Variants in CFAP77 observed in about 807,000 individuals in gnomAD.
CFAP77 encodes cilia and flagella associated protein 77.
A neutral mutation model predicts 31.1 loss-of-function variants in CFAP77; 25 were observed. The observed-to-expected ratio is 0.80, with a 90% CI of 0.59 to 1.12. The LOEUF is 1.12. CFAP77 is among the 50% of genes most tolerant of loss of function. CFAP77 has a pLI of 0.00. For synonymous variants in CFAP77, 151 were observed against 159.9 expected, an observed-to-expected ratio of 0.94 and a Z score of 0.42; for missense variants, 377 against 397.3, an observed-to-expected ratio of 0.95 and a Z score of 0.44.
intron 5 of CFAP77, among the ~76,000 whole-genome samples, chr9:132,543,362 G>A (rs925892515): frequency 1.3e-5 from 2 of 152,258 alleles, no homozygotes; most frequent in African/African-American, 4.8e-5. Context: ...CAGAGGCTGG[G>A]TGGCTGTCCA....
chr9:132,461,661 G>A (rs572271460), intron 1 of CFAP77, among the ~76,000 whole-genome samples: 32 of 152,324 alleles, frequency 2.1e-4, no homozygotes, highest in Non-Finnish European at 4.1e-4. Context: ...TTGTCGTGGG[G>A]GATATTGGTT....
chr9:132,481,222 C>T lies in CFAP77; in HGVS notation c.196-17473C>T, dbSNP rs1052089471. Among the ~76,000 whole-genome samples, 2 of 152,148 alleles carry T rather than the reference C, an allele frequency of 1.3e-5. No individual in the cohort carries two copies. The highest frequency in any genetic ancestry group is 2.4e-5 in the African/African-American group (1 of 41,444). ...GCTCTCTGGGCCCAAGACTCCCTGC[C>T]GCGCTGCTAGACGCTTCAGCCCTGT... is the stretch of plus-strand genomic sequence containing the variant. On this transcript the variant is annotated intron_variant, in intron 1 of 5. Transcript: ENST00000393216. This position sits in a 1 kb window ranked among gnomAD's most constrained non-coding sequence, Gnocchi z 5.0.
At chr9:132,475,591 G>A (rs144547915) in intron 1 of CFAP77, among the ~76,000 whole-genome samples, 121 of 152,270 alleles carry the variant, frequency 7.9e-4, no homozygotes, top group African/African-American at 2.6e-3. Context: ...GAAGTGTCTC[G>A]GTTAGGAGCA....
intron 3 of CFAP77, among the ~76,000 whole-genome samples, chr9:132,535,337 G>A (rs1852524849): frequency 6.6e-6 from 1 of 152,118 alleles, no homozygotes; most frequent in Non-Finnish European, 1.5e-5. Flanking sequence ...TTAGCAACAA[G>A]GACACAGCTT....
intron 3 of CFAP77, among the ~76,000 whole-genome samples, chr9:132,514,526 T>A (rs901040678): frequency 2.0e-5 from 3 of 152,170 alleles, no homozygotes; most frequent in Non-Finnish European, 4.4e-5. Flanking sequence ...CCAGTCGGTT[T>A]CTGAGTGGCC....
chr9:132,569,317 G>A (rs1337683994), intron 5 of CFAP77, among the ~76,000 whole-genome samples: 1 of 151,922 alleles, frequency 6.6e-6, no homozygotes, highest in East Asian at 1.9e-4. Context: ...AAGGCAGGAG[G>A]ATCCCTTGAG....
intron 1 of CFAP77, among the ~76,000 whole-genome samples, chr9:132,430,329 G>A (rs1850392361): frequency 6.6e-6 from 1 of 152,134 alleles, no homozygotes; most frequent in South Asian, 2.1e-4. Flanking sequence ...TCAGTCCTCT[G>A]TTTTGATCCA....
rs942269709 is a variant in CFAP77 at position 132,499,469 on chromosome 9, C to T, written c.393C>T (p.Gly131=). 4 of 1,614,204 alleles carry T rather than the reference C, an allele frequency of 2.5e-6. No homozygotes were observed. The African/African-American group carries it at 5.3e-5, about 22-fold the overall frequency. ...IAMNRGAVKA[G]LVTARENLLY... is the part of the protein sequence containing the mutation. ...TGAACCGCGGGGCGGTGAAAGCCGG[C>T]CTGGTGACTGCCCGGGAGAACTTGC... Residue 131 remains glycine (G), a synonymous_variant, in exon 3 of 6, where the codon GGC becomes GGT. Coordinates refer to ENST00000393216, the MANE Select transcript of CFAP77 (RefSeq NM_001282957.2). The surrounding 1 kb of genome is among the most constrained non-coding windows in gnomAD (Gnocchi z 5.4).
intron 5 of CFAP77, among the ~76,000 whole-genome samples, chr9:132,543,877 G>A (rs1183932368): frequency 2.0e-5 from 3 of 152,162 alleles, no homozygotes; most frequent in East Asian, 1.9e-4. Context: ...TGTAAGAGCC[G>A]GGGGCACCGT....
chr9:132,513,263 C>G, intron 3 of CFAP77: 1 of 1,547,452 alleles, frequency 6.5e-7, no homozygotes, highest in Non-Finnish European at 8.7e-7. Context: ...TATTAGAAAA[C>G]TTTCCAAACA....
chr9:132,542,920 C>T (rs78783314), intron 4 of CFAP77, 26 bp from the exon 5 acceptor site: 2 of 1,584,346 alleles, frequency 1.3e-6, no homozygotes, highest in Middle Eastern at 1.7e-4. Flanking sequence ...GCAACCATCT[C>T]ACCTTTGCCT....
intron 5 of CFAP77, among the ~76,000 whole-genome samples, chr9:132,560,935 G>T (rs1852985670): frequency 6.6e-6 from 1 of 152,186 alleles, no homozygotes; most frequent in Non-Finnish European, 1.5e-5. Flanking sequence ...CAGCAGGGAG[G>T]GTCGGGTCCT....
chr9:132,470,825 A>G (rs1031976653), intron 1 of CFAP77, among the ~76,000 whole-genome samples: 1 of 152,222 alleles, frequency 6.6e-6, no homozygotes, highest in African/African-American at 2.4e-5. Context: ...CCTGGCCAAC[A>G]TGGTGAAACC....
chr9:132,550,485 G>A (rs1354171933), intron 5 of CFAP77, among the ~76,000 whole-genome samples: 1 of 151,504 alleles, frequency 6.6e-6, no homozygotes, highest in African/African-American at 2.4e-5. Flanking sequence ...AAGGAATTTG[G>A]GGAGCAGCAT....
chr9:132,509,997 TTTGCC>T (rs1852004427), intron 3 of CFAP77, among the ~76,000 whole-genome samples: 1 of 152,152 alleles, frequency 6.6e-6, no homozygotes, highest in African/African-American at 2.4e-5. Context: ...TTTTTCATGC[TTTGCC>T]TTGTTTCCCT....
chr9:132,555,769 C>A (rs920660957), intron 5 of CFAP77, among the ~76,000 whole-genome samples: 1 of 152,142 alleles, frequency 6.6e-6, no homozygotes, highest in Non-Finnish European at 1.5e-5. Flanking sequence ...CTGTGTGGTC[C>A]TGCATGTGTT....
intron 1 of CFAP77, among the ~76,000 whole-genome samples, chr9:132,479,044 G>A (rs535974147): frequency 1.3e-5 from 2 of 152,230 alleles, no homozygotes; most frequent in South Asian, 2.1e-4. Flanking sequence ...GACCATCGCT[G>A]GAGTCTTTTA....
In CFAP77 at chr9:132,554,939, C is replaced by T. The variant is rs58044754; in HGVS notation, c.732+11892C>T. On this transcript the variant is annotated intron_variant, in intron 5 of 5. Transcript: ENST00000393216. This position sits in a 1 kb window ranked among gnomAD's most constrained non-coding sequence, Gnocchi z 4.1. ...ATGCATGCATGCATCCATCCATCCA[C>T]CCATCCATCCATCCATCCATCCATC... 0.019 allele frequency among the ~76,000 whole-genome samples: 2,763 copies of T among 146,516 alleles called. 48 individuals are homozygous for T. Among genetic ancestry groups the T allele is most frequent in the East Asian group, 0.045 (218 of 4,848 alleles).
intron 1 of CFAP77, among the ~76,000 whole-genome samples, chr9:132,450,399 G>A (rs1017701131): frequency 6.6e-6 from 1 of 152,180 alleles, no homozygotes; most frequent in African/African-American, 2.4e-5. Context: ...GAAGTTGGGA[G>A]AGCAATAGAT....
Sources: allele counts gnomAD v4.1 joint callset (sites outside exome capture counted in the v4.1 genomes callset), GRCh38; gene constraint gnomAD v4.1.1; non-coding constraint Gnocchi (gnomAD v3.1); transcripts MANE v1.5; gene names NCBI Gene and HGNC (gene_info 2026-07-23, HGNC 2026-07-21).